WWOX: variants seen among roughly 807,000 people sequenced by gnomAD.
WWOX encodes WW domain containing oxidoreductase, also known as WW domain-containing oxidoreductase.
WWOX carries 69 observed loss-of-function variants against 46.2 expected under a neutral mutation model. The ratio of observed to expected loss-of-function variants is 1.49; its 90% CI spans 1.23 to 1.82. WWOX has a LOEUF of 1.82. WWOX is among the 40% of genes most tolerant of loss of function. The probability of loss-of-function intolerance (pLI) is 0.00; values close to 1 mark genes in which losing one functional copy is unlikely to be tolerated. For missense variants in WWOX, 919 were observed against 542.6 expected (o/e 1.69, Z -6.89); for synonymous variants, 359 against 202.6 (o/e 1.77, Z -6.56).
chr16:78,799,816 C>T (rs375706257), intron 8 of WWOX, among the ~76,000 whole-genome samples: 172 of 152,308 alleles, frequency 1.1e-3, no homozygotes, highest in African/African-American at 4.1e-3. Flanking sequence ...TTGACAGAAG[C>T]TGCCCAATTA....
chr16:78,944,698 C>T (rs923206539), intron 8 of WWOX, among the ~76,000 whole-genome samples: 3 of 152,098 alleles, frequency 2.0e-5, no homozygotes, highest in African/African-American at 7.2e-5. Flanking sequence ...GTCACAATAT[C>T]CTGCAAAAGC....
chr16:78,422,834 T>TACACACAC (rs2082977706), intron 6 of WWOX, among the ~76,000 whole-genome samples: 7 of 109,808 alleles, frequency 6.4e-5, no homozygotes, highest in Admixed American at 1.1e-4. Flanking sequence ...CACATATATA[T>TACACACAC]ATATACATAT....
At chr16:78,456,058 G>C (rs375617570) in intron 8 of WWOX, among the ~76,000 whole-genome samples, 2 of 152,222 alleles carry the variant, frequency 1.3e-5, no homozygotes, top group Non-Finnish European at 2.9e-5. Flanking sequence ...GAGGGAATCA[G>C]TGACGTGGAC....
intron 8 of WWOX, among the ~76,000 whole-genome samples, chr16:78,623,172 C>T (rs538770144): frequency 6.6e-6 from 1 of 151,476 alleles, no homozygotes; most frequent in Admixed American, 6.7e-5. Context: ...CAGCCATGCC[C>T]AGACTCCTAT....
intron 4 of WWOX, among the ~76,000 whole-genome samples, chr16:78,135,996 G>C (rs1345859963): frequency 6.6e-6 from 1 of 152,180 alleles, no homozygotes; most frequent in Non-Finnish European, 1.5e-5. Flanking sequence ...TAAAGTCCAA[G>C]AGGTGCTTTT....
At chr16:78,363,102 A>G (rs965147313) in intron 5 of WWOX, among the ~76,000 whole-genome samples, 1 of 152,128 alleles carries the variant, frequency 6.6e-6, no homozygotes, top group Non-Finnish European at 1.5e-5. Flanking sequence ...TATTAGGAAA[A>G]AAGAAACATC....
chr16:78,331,283 G>T (rs2080751354), intron 5 of WWOX, among the ~76,000 whole-genome samples: 2 of 152,122 alleles, frequency 1.3e-5, no homozygotes, highest in Non-Finnish European at 2.9e-5. Flanking sequence ...AAGTCACGTC[G>T]ATTTTCAAAA....
chr16:78,424,883 C>T lies in WWOX; in HGVS notation c.619C>T (p.Leu207Phe). 6.2e-7 allele frequency: 1 copy of T among 1,614,108 alleles called. No homozygotes were observed. The highest frequency in any genetic ancestry group is 8.5e-7 in the Non-Finnish European group (1 of 1,180,022). ...FKAKNVPLHV[L>F]VCNAATFALP... ...TTTATTTTTCAGGCCTCTTCATGTG[C>T]TTGTGTGCAACGCAGCAACTTTTGC... Residue 207 changes from leucine (L) to phenylalanine (F), a missense_variant, in exon 7 of 9, where the codon CTT (leucine) becomes TTT (phenylalanine). By Grantham distance (22) the Leu-to-Phe change is conservative (BLOSUM62 0). Transcript: ENST00000566780.
intron 8 of WWOX, among the ~76,000 whole-genome samples, chr16:78,603,452 T>A (rs1597333918): frequency 1.3e-5 from 2 of 152,322 alleles, no homozygotes; most frequent in East Asian, 3.9e-4. Flanking sequence ...CCCAGCATTT[T>A]GGGAGGTTGA....
At chr16:78,422,594 C>A (rs1291440293) in intron 6 of WWOX, among the ~76,000 whole-genome samples, 1 of 144,314 alleles carries the variant, frequency 6.9e-6, no homozygotes, top group African/African-American at 2.5e-5. Context: ...GATTATCCTG[C>A]CTTAGCCTCC....
In WWOX at chr16:78,575,056, T is replaced by C. The variant is rs1339965472; in HGVS notation, c.1056+142304T>C. Among the ~76,000 whole-genome samples the C allele has an allele frequency of 5.3e-3, 88 of 16,454 alleles. 9 individuals are homozygous for C. Among genetic ancestry groups the C allele is most frequent in the African/African-American group, 0.016 (85 of 5,202 alleles). 10.8% of individuals were successfully genotyped at this position (16,454 alleles called of 152,430 possible). A position where few individuals can be genotyped will look rare whatever the true frequency, so the allele number is the denominator to read the frequency against. On this transcript the variant is annotated intron_variant, in intron 8 of 8. Coordinates refer to ENST00000566780, the MANE Select transcript of WWOX (RefSeq NM_016373.4). ...ATATATATATATATATATATATATA[T>C]ATATATATATATATATATATATATA...
At chr16:78,885,161 A>G (rs764408596) in intron 8 of WWOX, among the ~76,000 whole-genome samples, 12 of 149,018 alleles carry the variant, frequency 8.1e-5, no homozygotes, top group Admixed American at 3.4e-4. Flanking sequence ...GAGCTCCCTC[A>G]TGGTTGCGGG....
chr16:78,646,087 C>G (rs1216689623), intron 8 of WWOX, among the ~76,000 whole-genome samples: 1 of 152,148 alleles, frequency 6.6e-6, no homozygotes, highest in Non-Finnish European at 1.5e-5. Context: ...GCATACTCTC[C>G]TCATGTCAAG....
intron 5 of WWOX, among the ~76,000 whole-genome samples, chr16:78,253,038 C>A (rs1020018068): frequency 6.6e-6 from 1 of 152,044 alleles, no homozygotes; most frequent in Non-Finnish European, 1.5e-5. Context: ...GGGACCATAC[C>A]CTCTGTTTAG....
chr16:78,140,927 T>C (rs973150933), intron 4 of WWOX, among the ~76,000 whole-genome samples: 3 of 152,186 alleles, frequency 2.0e-5, no homozygotes, highest in African/African-American at 7.2e-5. Flanking sequence ...TCGAAAGAAA[T>C]AGGTATTTCC....
chr16:78,692,125 T>C (rs909774760), intron 8 of WWOX, among the ~76,000 whole-genome samples: 5 of 152,160 alleles, frequency 3.3e-5, no homozygotes, highest in Admixed American at 2.0e-4. Flanking sequence ...AGGTATGTCT[T>C]TATCAGCAGC....
chr16:78,107,335 C>A (rs2032210755), intron 1 of WWOX, among the ~76,000 whole-genome samples: 1 of 152,128 alleles, frequency 6.6e-6, no homozygotes, highest in South Asian at 2.1e-4. Flanking sequence ...GGGTGGTGGT[C>A]TGAAATGAAA....
rs534241462 is a variant in WWOX, at chr16:78,633,696, C to T, written c.1056+200944C>T. Among the ~76,000 whole-genome samples, 8 of 152,248 alleles carry T rather than the reference C, an allele frequency of 5.3e-5. No homozygotes were observed. In the East Asian group the frequency reaches 5.8e-4, roughly 11 times the overall value. On this transcript the variant is annotated intron_variant, in intron 8 of 8. Transcript: ENST00000566780. ...CTACCTCCTGCGTGCTTTTATGCTT[C>T]GCTGTGAAGTGCAAAGTTGGGCTGG...
At chr16:78,530,483 G>A (rs1048039838) in intron 8 of WWOX, among the ~76,000 whole-genome samples, 1 of 152,212 alleles carries the variant, frequency 6.6e-6, no homozygotes, top group Non-Finnish European at 1.5e-5. Flanking sequence ...TTCTTCTGAA[G>A]TCCAGCCGCT....
Sources: gnomAD v4.1 joint callset for allele counts (sites outside exome capture counted in the v4.1 genomes callset) on GRCh38, gnomAD v4.1.1 for gene constraint, MANE v1.5 for transcripts, NCBI Gene and HGNC (gene_info 2026-07-23, HGNC 2026-07-21) for gene names.